The following PHF19 variants were observed in gnomAD, a reference collection of about 807,000 sequenced individuals.
PHF19 encodes polycomb like 3.
PHF19 carries 21 observed loss-of-function variants against 79.8 expected under a neutral mutation model. The ratio of observed to expected loss-of-function variants is 0.26; its 90% confidence interval spans 0.19 to 0.38. The LOEUF is 0.38. Among genes scored for constraint, PHF19 ranks in the 10% least tolerant of loss-of-function variants. The pLI is 1.00. For missense variants in PHF19, 445 were observed against 744.2 expected (o/e 0.60, Z 4.68); for synonymous variants, 273 against 296.3 (o/e 0.92, Z 0.81).
intron 9 of PHF19, among the ~76,000 whole-genome samples, chr9:120,864,989 C>G (rs1041762530): frequency 2.0e-5 from 3 of 151,840 alleles, no homozygotes; most frequent in Non-Finnish European, 2.9e-5. Context: ...AAAACCAACT[C>G]TACGTATCTT....
upstream of PHF19, among the ~76,000 whole-genome samples, chr9:120,899,029 T>C (rs2131608413): frequency 6.6e-6 from 1 of 151,748 alleles, no homozygotes; most frequent in East Asian, 1.9e-4. Context: ...TGAAACCCCA[T>C]CTCTCCTAAA....
chr9:120,876,417 T>TCCACCCTGGCCGGGCGGGGGGCGCCACCC (rs2046054538), intron 1 of PHF19: 2 of 151,808 alleles, frequency 1.3e-5, no homozygotes, highest in African/African-American at 4.8e-5. Context: ...CGCACCCGCC[T>TCCACCCTGGCCGGGCGGGGGGCGCCACCC]CCACCCTGGC....
Position 120,865,741 on chromosome 9 carries a change from T to C in PHF19, c.869A>G (p.Asn290Ser), listed in dbSNP as rs1408968733. ...AAGCTGCAGGAGCTCCCAGTGGTGG[T>C]TGACAAAGGCCAGAATCTCCTCAAA... ...FDFEEILAFV[N>S]HHWELLQLGK... The change falls in exon 9 of 15, where the codon AAC (asparagine) becomes AGC (serine). Residue 290 changes from asparagine to serine, a missense_variant. Asn to Ser is a conservative substitution (Grantham distance 46). Coordinates refer to ENST00000373896, the MANE Select transcript of PHF19 (RefSeq NM_015651.3). 1 of 1,614,098 alleles carries C rather than the reference T, an allele frequency of 6.2e-7. No homozygotes were observed. Among genetic ancestry groups the C allele is most frequent in the Non-Finnish European group, 8.5e-7 (1 of 1,180,008 alleles).
intron 1 of PHF19, among the ~76,000 whole-genome samples, chr9:120,889,753 GAA>G (rs1227783055): frequency 2.0e-5 from 3 of 148,640 alleles, no homozygotes; most frequent in African/African-American, 7.5e-5. Context: ...TTGAAAAAAA[GAA>G]AGAGAGAGAG....
rs397951771 is a variant in PHF19, at chr9:120,868,963, A to AC, written c.614+218dup. The AC allele has an allele frequency of 8.2e-3, 1,371 of 166,764 alleles. 23 individuals are homozygous for AC. The highest frequency in any genetic ancestry group is 0.035 in the African/African-American group (478 of 13,670). The allele number at this position is 166,764 out of a possible 1,614,324, so 10.3% of individuals were successfully genotyped here. ...CGAGGCCCCACCTCCGCAGCGGCTG[A>AC]CCCCCCCCTCCCCGAGTCCCGCCCC... On this transcript the variant is annotated intron_variant, in intron 6 of 14. Transcript: ENST00000373896.
chr9:120,864,722 TAATATGG>T (rs141197571), intron 9 of PHF19, among the ~76,000 whole-genome samples: 14,888 of 152,084 alleles, frequency 0.098, 804 homozygotes, highest in Middle Eastern at 0.14. Context: ...AAGATTCTAA[TAATATGG>T]AAAAGTATAA....
In PHF19 at chr9:120,866,288, G is replaced by A. The variant is rs1342558078; in HGVS notation, c.711-192C>T. 3.3e-5 allele frequency among the ~76,000 whole-genome samples: 5 copies of A among 152,104 alleles called. No homozygotes were observed. Among genetic ancestry groups the A allele is most frequent in the Non-Finnish European group, 7.4e-5 (5 of 68,010 alleles). On this transcript the variant is annotated intron_variant, in intron 7 of 14. Transcript: ENST00000373896. This position sits in a 1 kb window ranked among gnomAD's most constrained non-coding sequence, Gnocchi z 5.2. ...ATACCCCATATTCCTTCTAACCCAT[G>A]CCCTCAATCTCCTTCCCAAATCTTG...
At chr9:120,872,352 C>T (rs199929870) in intron 3 of PHF19, among the ~76,000 whole-genome samples, 16 of 152,110 alleles carry the variant, frequency 1.1e-4, no homozygotes, top group African/African-American at 3.9e-4. Context: ...GGCTAGGAGA[C>T]AAGCCACTCT....
chr9:120,895,207 C>A (rs532184489), upstream of PHF19, among the ~76,000 whole-genome samples: 18 of 152,176 alleles, frequency 1.2e-4, no homozygotes, highest in East Asian at 3.5e-3. Context: ...GGGAGGGGAC[C>A]CTGCTGACAC....
upstream of PHF19, among the ~76,000 whole-genome samples, chr9:120,880,875 G>T (rs895864984): frequency 6.6e-6 from 1 of 151,664 alleles, no homozygotes; most frequent in Non-Finnish European, 1.5e-5. Context: ...TGGGAAGATT[G>T]ATTGAGCCCA....
intron 3 of PHF19, among the ~76,000 whole-genome samples, chr9:120,872,549 G>A (rs919096873): frequency 2.6e-5 from 4 of 152,162 alleles, no homozygotes; most frequent in African/African-American, 7.2e-5. Context: ...GAGAGGAATC[G>A]GTCTGCACTG....
At chr9:120,865,115 A>G (rs994293459) in intron 9 of PHF19, among the ~76,000 whole-genome samples, 3 of 152,228 alleles carry the variant, frequency 2.0e-5, no homozygotes. Flanking sequence ...ATTCCTTTTC[A>G]TCAAAGAAAG....
At chr9:120,903,041 A>G in the PHF19 span, 2 of 152,112 alleles carry the variant, frequency 1.3e-5, no homozygotes, top group Non-Finnish European at 2.9e-5. Context: ...TGGGCTCAAC[A>G]CTCGGTGAGT....
At chr9:120,873,900 C>T (rs1043962413) in intron 3 of PHF19, 79 bp downstream of exon 3, 2 of 755,398 alleles carry the variant, frequency 2.6e-6, no homozygotes, top group African/African-American at 3.5e-5. Flanking sequence ...GATGGAAGGA[C>T]AGAAGGAAGA....
Position 120,857,743 on chromosome 9 carries a change from T to C in PHF19, c.*201A>G, listed in dbSNP as rs1216718306. The C allele has an allele frequency of 1.9e-5, 10 of 524,312 alleles. No individual in the cohort carries two copies. Among genetic ancestry groups the C allele is most frequent in the Non-Finnish European group, 3.0e-5 (9 of 296,128 alleles). The allele number at this position is 524,312 out of a possible 1,614,324, so 32.5% of individuals were successfully genotyped here. The stretch of plus-strand genomic sequence containing the variant: ...GACACAGGCACAGGGGTAACGAGCC[T>C]GAGGAGGCCCTGGAACAGAGCTGGT... On this transcript the variant is annotated 3_prime_UTR_variant, in exon 15 of 15. Coordinates refer to ENST00000373896, the MANE Select transcript of PHF19 (RefSeq NM_015651.3).
At chr9:120,858,360 C>T in intron 14 of PHF19, 74 bp from the exon 15 acceptor site, 1 of 1,146,204 alleles carries the variant, frequency 8.7e-7, no homozygotes, top group Non-Finnish European at 1.2e-6. Context: ...TCCCTGAGTC[C>T]TCCCCTCAGT....
chr9:120,875,294 C>T (rs1173276239), intron 1 of PHF19, among the ~76,000 whole-genome samples: 10 of 152,212 alleles, frequency 6.6e-5, no homozygotes, highest in Admixed American at 6.5e-4. Context: ...GTAATCCCCC[C>T]TTCTGTTCTC....
upstream of PHF19, among the ~76,000 whole-genome samples, chr9:120,895,153 T>C (rs1439100580): frequency 6.6e-6 from 1 of 151,926 alleles, no homozygotes; most frequent in Non-Finnish European, 1.5e-5. Flanking sequence ...TGAATCCGGG[T>C]TAAAGGACTC....
chr9:120,856,648 T>C lies in PHF19; in HGVS notation c.*1296A>G, dbSNP rs566271570. On this transcript the variant is annotated 3_prime_UTR_variant, in exon 15 of 15. Coordinates refer to ENST00000373896, the MANE Select transcript of PHF19 (RefSeq NM_015651.3). ...GAATTTGAATGTTGGTTCCAAAAAT[T>C]CTCTTTCAAACCCCCACTGGCAAGG... 6.6e-6 allele frequency: 1 copy of C among 152,628 alleles called. No individual in the cohort carries two copies. The highest frequency in any genetic ancestry group is 1.9e-4 in the East Asian group (1 of 5,184). The allele number at this position is 152,628 out of a possible 1,614,324, so 9.5% of individuals were successfully genotyped here.
Sources: allele counts gnomAD v4.1 joint callset (sites outside exome capture counted in the v4.1 genomes callset), GRCh38; gene constraint gnomAD v4.1.1; non-coding constraint Gnocchi (gnomAD v3.1); transcripts MANE v1.5; gene names NCBI Gene and HGNC (gene_info 2026-07-23, HGNC 2026-07-21).